The following C9 variants were observed in gnomAD, a reference collection of about 807,000 sequenced individuals.
The protein encoded by C9 is complement component C9.
C9 carries 63 observed loss-of-function variants against 65.4 expected under a neutral mutation model. The observed-to-expected ratio is 0.96, with a 90% confidence interval of 0.79 to 1.19. The LOEUF (loss-of-function observed/expected upper bound fraction) is 1.19, where lower values mean the gene tolerates loss of function less well. Among genes scored for constraint, C9 ranks in the 50% most tolerant of loss-of-function variants. The pLI is 0.00. For missense variants in C9, 744 were observed against 670.1 expected, an observed-to-expected ratio of 1.11 and a Z score of -1.22; for synonymous variants, 229 against 227.9, an observed-to-expected ratio of 1.00 and a Z score of -0.04.
rs1195950669 is a variant in C9, at chr5:39,315,804, G to C, written c.841C>G (p.Gln281Glu). The C allele has an allele frequency of 6.2e-7, 1 of 1,604,028 alleles. No homozygotes were observed. The highest frequency in any genetic ancestry group is 1.3e-5 in the African/African-American group (1 of 74,646). The change falls in exon 6 of 11, where the codon CAA (glutamine) becomes GAA (glutamate). Residue 281 changes from glutamine (Q) to glutamate (E), a missense_variant. Coordinates refer to ENST00000263408, the MANE Select transcript of C9 (RefSeq NM_001737.5). ...RFSYSKNETY[Q>E]LFLSYSSKKE... ...TTTGAAGAATATGACAAAAATAGTT[G>C]GTAAGTTTCATTTTTGGAATATGAA...
chr5:39,334,717 C>A (rs1753928541), intron 4 of C9, among the ~76,000 whole-genome samples: 1 of 149,766 alleles, frequency 6.7e-6, no homozygotes, highest in African/African-American at 2.5e-5. Flanking sequence ...CCCCGCCTGG[C>A]CAGCCACCCC....
At chr5:39,288,975 T>C (rs1231957857) in intron 9 of C9, 24 bp from the exon 10 acceptor site, 1 of 1,261,484 alleles carries the variant, frequency 7.9e-7, no homozygotes, top group Non-Finnish European at 1.2e-6. Context: ...AAACATTTAA[T>C]TTTAGGTCCT....
chr5:39,349,131 G>A (rs549551937), intron 1 of C9, among the ~76,000 whole-genome samples: 13 of 151,318 alleles, frequency 8.6e-5, no homozygotes, highest in East Asian at 5.8e-4. Context: ...TGTAACCAAC[G>A]TGCACGTTGT....
intron 6 of C9, 115 bp from the exon 7 acceptor site, chr5:39,311,492 G>C (rs906032202): frequency 1.1e-6 from 1 of 925,658 alleles, no homozygotes; most frequent in Admixed American, 1.9e-5. Flanking sequence ...GTGACCATGA[G>C]ATACCACTCT....
At chr5:39,341,879 T>C (rs1322678956) in intron 2 of C9, among the ~76,000 whole-genome samples, 179 bp from the exon 3 acceptor site, 1 of 152,238 alleles carries the variant, frequency 6.6e-6, no homozygotes, top group African/African-American at 2.4e-5. Context: ...GGCAGCCTCT[T>C]ATACAGATGA....
At chr5:39,316,662 G>T (rs1753574241) in intron 5 of C9, among the ~76,000 whole-genome samples, 1 of 152,132 alleles carries the variant, frequency 6.6e-6, no homozygotes, top group African/African-American at 2.4e-5. Context: ...CCAAGTCCCT[G>T]CAAAGGACGT....
intron 3 of C9, 43 bp downstream of exon 3, chr5:39,341,513 G>A: frequency 6.2e-7 from 1 of 1,602,382 alleles, no homozygotes; most frequent in Non-Finnish European, 8.6e-7. Flanking sequence ...ATTCAGGAAG[G>A]CACACAGAAA....
rs180930474 is a variant in C9, at chr5:39,347,748, C to A, written c.78-5552G>T. Among the ~76,000 whole-genome samples the A allele has an allele frequency of 4.8e-3, 731 of 152,242 alleles. 9 individuals are homozygous for A. Among genetic ancestry groups the A allele is most frequent in the African/African-American group, 0.017 (704 of 41,542 alleles). On this transcript the variant is annotated intron_variant, in intron 1 of 10. Coordinates refer to ENST00000263408, the MANE Select transcript of C9 (RefSeq NM_001737.5). ...GCCAAAAGAACAAAGCTGGAGACAT[C>A]ATGCTACCTGACTTCAAACTGTACT...
intron 5 of C9, among the ~76,000 whole-genome samples, chr5:39,330,597 A>G (rs1410755412): frequency 1.3e-5 from 2 of 152,232 alleles, no homozygotes; most frequent in Non-Finnish European, 2.9e-5. Flanking sequence ...GAATGTATGT[A>G]ATACTTTTTA....
chr5:39,350,551 G>A (rs886514756), intron 1 of C9, among the ~76,000 whole-genome samples: 5 of 152,140 alleles, frequency 3.3e-5, no homozygotes, highest in African/African-American at 7.2e-5. Flanking sequence ...TTACTCCCAA[G>A]GTACAGGCAT....
Position 39,350,850 on chromosome 5 carries a change from G to A in C9, c.78-8654C>T, listed in dbSNP as rs112897624. Among the ~76,000 whole-genome samples the A allele has an allele frequency of 1.9e-3, 285 of 152,322 alleles. 1 individual carries two copies. The highest frequency in any genetic ancestry group is 3.3e-3 in the Non-Finnish European group (227 of 68,016). Reference sequence around the variant, plus strand: ...TGGATCTACCAATCTGGGGTCTGGAGGATGGTGGCCCTTTTCTCACAGTTC... The same window carrying A: ...TGGATCTACCAATCTGGGGTCTGGAAGATGGTGGCCCTTTTCTCACAGTTC... On this transcript the variant is annotated intron_variant, in intron 1 of 10. Transcript: ENST00000263408.
intron 9 of C9, among the ~76,000 whole-genome samples, chr5:39,291,786 A>C (rs564674350): frequency 6.2e-4 from 95 of 152,082 alleles, no homozygotes; most frequent in African/African-American, 2.2e-3. Context: ...AGCATGATAA[A>C]AGAGATGAAA....
Position 39,285,136 on chromosome 5 carries a change from G to T in C9, c.*63C>A. 7.6e-7 allele frequency: 1 copy of T among 1,321,668 alleles called. No individual in the cohort carries two copies. The highest frequency in any genetic ancestry group is 1.1e-6 in the Non-Finnish European group (1 of 913,258). 81.9% of individuals were successfully genotyped at this position (1,321,668 alleles called of 1,614,324 possible). On this transcript the variant is annotated 3_prime_UTR_variant, in exon 11 of 11. Coordinates refer to ENST00000263408, the MANE Select transcript of C9 (RefSeq NM_001737.5). ...TACTTGGCAGCTAAGATTATCTTCA[G>T]GGGTAGGATCTGAAGGTACTAGTGT... is the stretch of plus-strand genomic sequence containing the variant.
chr5:39,294,148 G>C (rs1450210020), intron 9 of C9, among the ~76,000 whole-genome samples: 2 of 151,680 alleles, frequency 1.3e-5, no homozygotes, highest in Non-Finnish European at 2.9e-5. Flanking sequence ...ATTTCAAGGA[G>C]CTAGAAAAGC....
At chr5:39,346,793 T>A (rs572455429) in intron 1 of C9, among the ~76,000 whole-genome samples, 1 of 152,286 alleles carries the variant, frequency 6.6e-6, no homozygotes, top group East Asian at 1.9e-4. Context: ...GCAAACCGAA[T>A]CCAGCAACAC....
chr5:39,327,226 T>C (rs1753762740), intron 5 of C9, among the ~76,000 whole-genome samples: 1 of 152,164 alleles, frequency 6.6e-6, no homozygotes, highest in Non-Finnish European at 1.5e-5. Flanking sequence ...CACTGCAGGC[T>C]ATAGATAGAC....
Position 39,359,102 on chromosome 5 carries a change from G to GTATATATATATA in C9, c.77+5274_77+5285dup, listed in dbSNP as rs1157807681. The stretch of plus-strand genomic sequence containing the variant: ...TGTATATATATATGTGTGTGTGTGT[G>GTATATATATATA]TATATATATATATATATATATATGT... On this transcript the variant is annotated intron_variant, in intron 1 of 10. Coordinates refer to ENST00000263408, the MANE Select transcript of C9 (RefSeq NM_001737.5). 5.8e-3 allele frequency among the ~76,000 whole-genome samples: 596 copies of GTATATATATATA among 103,608 alleles called. 12 individuals are homozygous for GTATATATATATA. Among genetic ancestry groups the GTATATATATATA allele is most frequent in the African/African-American group, 0.018 (466 of 26,496 alleles). 68.0% of individuals were successfully genotyped at this position (103,608 alleles called of 152,430 possible).
intron 1 of C9, among the ~76,000 whole-genome samples, chr5:39,353,496 G>A (rs1292045782): frequency 6.6e-6 from 1 of 152,138 alleles, no homozygotes; most frequent in African/African-American, 2.4e-5. Flanking sequence ...TTTTAACCAT[G>A]CTATTCACTA....
At position 39,286,879 on chromosome 5, in the gene C9, G is replaced by A. The variant is rs142383524; in HGVS notation, c.1646-1646C>T. 1.4e-3 allele frequency among the ~76,000 whole-genome samples: 208 copies of A among 152,032 alleles called. 1 individual carries two copies. The South Asian group carries it at 0.028, about 20-fold the overall frequency. On this transcript the variant is annotated intron_variant, in intron 10 of 10. Coordinates refer to ENST00000263408, the MANE Select transcript of C9 (RefSeq NM_001737.5). ...GTTTCTAAGCCATTTGCTGAGAAGT[G>A]TAAAAAATTCATAAAATATTAAAAA...
Sources: allele counts gnomAD v4.1 joint callset (sites outside exome capture counted in the v4.1 genomes callset), GRCh38; gene constraint gnomAD v4.1.1; transcripts MANE v1.5; gene names NCBI Gene and HGNC (gene_info 2026-07-23, HGNC 2026-07-21).